Variants in SLC4A10 observed in about 807,000 individuals in gnomAD.
The protein encoded by SLC4A10 is sodium-driven chloride bicarbonate exchanger.
Under a neutral mutation model 137.7 loss-of-function variants are expected in SLC4A10, and 42 were observed. The ratio of observed to expected loss-of-function variants is 0.30; its 90% confidence interval spans 0.24 to 0.39. The LOEUF is 0.39. Ranked by LOEUF, SLC4A10 falls within the 10% of genes least tolerant of loss-of-function variation. The pLI, the probability that SLC4A10 is intolerant of heterozygous loss-of-function variation, is 1.00. For synonymous variants in SLC4A10, 474 were observed against 464.1 expected (o/e 1.02, Z -0.27); for missense variants, 925 against 1,355.0 (o/e 0.68, Z 4.98).
intron 11 of SLC4A10, among the ~76,000 whole-genome samples, chr2:161,897,645 T>A (rs62188816): frequency 0.068 from 10,404 of 152,202 alleles, 454 homozygotes; most frequent in East Asian, 0.13. Context: ...TACCATTTTG[T>A]GATTATGTAA....
At chr2:161,958,628 G>A in intron 21 of SLC4A10, 73 bp downstream of exon 21, 1 of 1,129,962 alleles carries the variant, frequency 8.8e-7, no homozygotes, top group Non-Finnish European at 1.3e-6. Context: ...TCATGTGACA[G>A]CTGAGAAAAT....
intron 12 of SLC4A10, among the ~76,000 whole-genome samples, chr2:161,901,625 T>G (rs921483907): frequency 1.3e-5 from 2 of 152,068 alleles, no homozygotes; most frequent in African/African-American, 4.8e-5. Context: ...ATAGCCTCCA[T>G]TATAATTAAA....
intron 1 of SLC4A10, among the ~76,000 whole-genome samples, chr2:161,697,215 CAG>C (rs1239502006): frequency 1.3e-5 from 2 of 151,142 alleles, no homozygotes; most frequent in African/African-American, 4.9e-5. Context: ...AGCCTTTTGT[CAG>C]ATGAGTAGGT....
intron 6 of SLC4A10, among the ~76,000 whole-genome samples, chr2:161,865,806 G>C (rs1240076333): frequency 4.6e-5 from 7 of 151,940 alleles, no homozygotes; most frequent in Non-Finnish European, 7.4e-5. Flanking sequence ...AGCCGTAAAT[G>C]TAAATTGGAA....
intron 2 of SLC4A10, among the ~76,000 whole-genome samples, chr2:161,791,166 C>A (rs1027304011): frequency 6.6e-6 from 1 of 152,126 alleles, no homozygotes; most frequent in Admixed American, 6.5e-5. Flanking sequence ...TACATGCACG[C>A]ACGTGTTCAT....
chr2:161,810,119 T>C (rs1461808103), intron 3 of SLC4A10, among the ~76,000 whole-genome samples: 1 of 151,620 alleles, frequency 6.6e-6, no homozygotes, highest in Non-Finnish European at 1.5e-5. Flanking sequence ...ATTACATTTT[T>C]TTGTGTGCCT....
intron 4 of SLC4A10, among the ~76,000 whole-genome samples, chr2:161,847,154 G>C (rs771445448): frequency 5.9e-5 from 9 of 151,814 alleles, no homozygotes; most frequent in Non-Finnish European, 1.3e-4. Context: ...GAGGTGGAAG[G>C]ATCATCTGAA....
chr2:161,627,608 G>T (rs2032678646), intron 1 of SLC4A10, among the ~76,000 whole-genome samples: 1 of 152,108 alleles, frequency 6.6e-6, no homozygotes, highest in Admixed American at 6.6e-5. Context: ...ACGGGCAGAG[G>T]AGGCCTAGAT....
intron 4 of SLC4A10, among the ~76,000 whole-genome samples, chr2:161,847,442 TC>T (rs2059575845): frequency 1.3e-5 from 2 of 151,986 alleles, no homozygotes; most frequent in Admixed American, 1.3e-4. Context: ...GATAATTTTG[TC>T]AGCTGTTAGG....
At chr2:161,636,860 A>G (rs1177634966) in intron 1 of SLC4A10, among the ~76,000 whole-genome samples, 1 of 150,404 alleles carries the variant, frequency 6.6e-6, no homozygotes, top group Non-Finnish European at 1.5e-5. Context: ...TGTCTAATTA[A>G]TTTTTTTATT....
intron 9 of SLC4A10, 133 bp from the exon 10 acceptor site, chr2:161,882,224 C>A: frequency 1.9e-6 from 1 of 539,906 alleles, no homozygotes; most frequent in Non-Finnish European, 3.2e-6. Context: ...TAATAATGAA[C>A]TATGAAAAAC....
In SLC4A10 at chr2:161,983,985, C is replaced by A. The variant is rs1349072483; in HGVS notation, c.*833C>A. 2.0e-5 allele frequency: 3 copies of A among 152,140 alleles called. No individual in the cohort carries two copies. Among genetic ancestry groups the A allele is most frequent in the African/African-American group, 7.2e-5 (3 of 41,442 alleles). The allele number at this position is 152,140 out of a possible 1,614,324, so 9.4% of individuals were successfully genotyped here. A position where few individuals can be genotyped will look rare whatever the true frequency, so the allele number is the denominator to read the frequency against. Reference sequence around the variant, plus strand: ...AATATAAACCTTTATCAGAAATATACTAAGTTTGTCTCCCACTGACAACAG... The same window carrying A: ...AATATAAACCTTTATCAGAAATATAATAAGTTTGTCTCCCACTGACAACAG... On this transcript the variant is annotated 3_prime_UTR_variant, in exon 27 of 27. Coordinates refer to ENST00000446997, the MANE Select transcript of SLC4A10 (RefSeq NM_001178015.2).
At chr2:161,943,117 A>G (rs1442248055) in intron 16 of SLC4A10, among the ~76,000 whole-genome samples, 1 of 152,114 alleles carries the variant, frequency 6.6e-6, no homozygotes, top group Non-Finnish European at 1.5e-5. Flanking sequence ...CAAATAGCTC[A>G]CTTATACAGA....
intron 15 of SLC4A10, among the ~76,000 whole-genome samples, chr2:161,910,898 G>C (rs975775674): frequency 6.6e-6 from 1 of 151,798 alleles, no homozygotes; most frequent in Admixed American, 6.6e-5. Flanking sequence ...ATTTAACAAT[G>C]AGAATTTCAT....
intron 3 of SLC4A10, among the ~76,000 whole-genome samples, chr2:161,821,028 T>C (rs1403011588): frequency 6.6e-6 from 1 of 152,224 alleles, no homozygotes; most frequent in East Asian, 1.9e-4. Context: ...TATTTCTTGA[T>C]TACCAATGAA....
intron 19 of SLC4A10, among the ~76,000 whole-genome samples, chr2:161,952,954 T>G (rs1694467127): frequency 6.6e-6 from 1 of 152,208 alleles, no homozygotes; most frequent in Non-Finnish European, 1.5e-5. Flanking sequence ...GGCTTTGACT[T>G]GAACCACATT....
chr2:161,943,046 A>G, intron 16 of SLC4A10, 149 bp downstream of exon 16: 1 of 630,624 alleles, frequency 1.6e-6, no homozygotes, highest in Non-Finnish European at 2.8e-6. Flanking sequence ...TCAGATGCTC[A>G]TCAGTAAACT....
chr2:161,964,191 A>G lies in SLC4A10; in HGVS notation c.2919A>G (p.Ile973Met). ...WMPAKHQPDF[I>M]YLRHVPLRKV... is the part of the protein sequence containing the mutation. ...CGGCAAAACATCAACCAGATTTTAT[A>G]TACCTAAGGCACGTACCGCTTCGAA... Residue 973 changes from isoleucine to methionine, a missense_variant, in exon 22 of 27, where the codon ATA (isoleucine) becomes ATG (methionine). Around this residue, in one of 11 missense-constraint regions of SLC4A10, gnomAD observed 115 missense variants for 237.5 expected, o/e 0.48. Coordinates refer to ENST00000446997, the MANE Select transcript of SLC4A10 (RefSeq NM_001178015.2). 6.2e-7 allele frequency: 1 copy of G among 1,613,134 alleles called. No individual in the cohort carries two copies. The highest frequency in any genetic ancestry group is 8.5e-7 in the Non-Finnish European group (1 of 1,179,428).
intron 1 of SLC4A10, among the ~76,000 whole-genome samples, chr2:161,732,286 C>T (rs376104945): frequency 9.8e-5 from 15 of 152,308 alleles, no homozygotes; most frequent in South Asian, 2.1e-4. Context: ...CTTGGTCTTT[C>T]CAGTGACTAG....
Sources: allele counts gnomAD v4.1 joint callset (sites outside exome capture counted in the v4.1 genomes callset), GRCh38; gene constraint gnomAD v4.1.1; regional missense constraint gnomAD v4.1.1; transcripts MANE v1.5; gene names NCBI Gene and HGNC (gene_info 2026-07-23, HGNC 2026-07-21).